COL7A1: variants seen among roughly 807,000 people sequenced by gnomAD.
COL7A1 encodes the protein collagen alpha-1(VII) chain.
In COL7A1, 296 loss-of-function variants were observed where a neutral mutation model predicts 456.2. That is an observed-to-expected ratio of 0.65 (90% CI 0.59 to 0.71). The LOEUF is 0.71. Among genes scored for constraint, COL7A1 ranks in the 30% least tolerant of loss-of-function variants. COL7A1 has a pLI of 0.00. For missense variants in COL7A1, 3,441 were observed against 4,017.2 expected, an observed-to-expected ratio of 0.86 and a Z score of 3.88; for synonymous variants, 1,464 against 1,525.9, an observed-to-expected ratio of 0.96 and a Z score of 0.95.
chr3:48,585,242 G>A lies in COL7A1; in HGVS notation c.3895-126C>T, dbSNP rs770048390. 1.1e-5 allele frequency: 10 copies of A among 935,590 alleles called. No homozygotes were observed. The highest frequency in any genetic ancestry group is 1.5e-5 in the Non-Finnish European group (9 of 610,946). The allele number at this position is 935,590 out of a possible 1,614,324, so 58.0% of individuals were successfully genotyped here. ...TGACCCCCAAGTGTTATTGGGGGTG[G>A]AACAGTGAGGCAGAGAAATGGCCCC... is the stretch of plus-strand genomic sequence containing the variant. On this transcript the variant is annotated intron_variant, in intron 32 of 118. Transcript: ENST00000681320. The surrounding 1 kb of genome is among the most constrained non-coding windows in gnomAD (Gnocchi z 4.5).
rs903646391 is a variant in COL7A1, at chr3:48,564,250, A to T, written c.*156T>A. ...AATGGGGGTTTGTCCACAGGGGGGAAGGCTAGACCCACGGGACCAAGTCAC... is the reference window on the plus strand; with the variant it reads ...AATGGGGGTTTGTCCACAGGGGGGATGGCTAGACCCACGGGACCAAGTCAC... On this transcript the variant is annotated 3_prime_UTR_variant, in exon 119 of 119. Transcript: ENST00000681320. This position sits in a 1 kb window ranked among gnomAD's most constrained non-coding sequence, Gnocchi z 6.0. 2.3e-6 allele frequency: 2 copies of T among 877,026 alleles called. No homozygotes were observed. The highest frequency in any genetic ancestry group is 3.7e-6 in the Non-Finnish European group (2 of 540,540). The allele number at this position is 877,026 out of a possible 1,614,324, so 54.3% of individuals were successfully genotyped here.
rs139434755 is a variant in COL7A1 at position 48,591,907 on chromosome 3, G to A, written c.1348C>T (p.Arg450Cys). The part of the protein sequence containing the change: ...EARGYRLEWR[R>C]ETGLEPPQKV... ...CTTCCCCCGCACTGACCAGTCTCAC[G>A]CCGCCATTCCAACCGGTAGCCACGG... The change falls in exon 11 of 119, where the codon CGT becomes TGT. Residue 450 changes from arginine (R) to cysteine (C), a missense_variant. Around this residue, in one of 3 missense-constraint regions of COL7A1, gnomAD observed 913 missense variants for 1,088.2 expected, o/e 0.84. Coordinates refer to ENST00000681320, the MANE Select transcript of COL7A1 (RefSeq NM_000094.4). This position sits in a 1 kb window ranked among gnomAD's most constrained non-coding sequence, Gnocchi z 7.0. 2.4e-4 allele frequency: 384 copies of A among 1,614,018 alleles called. No individual in the cohort carries two copies. The highest frequency in any genetic ancestry group is 6.7e-4 in the East Asian group (30 of 44,882).
rs2043669746 is a variant in COL7A1, at chr3:48,567,719, T to C, written c.7974A>G (p.Lys2658=). 1 of 1,614,014 alleles carries C rather than the reference T, an allele frequency of 6.2e-7. No individual in the cohort carries two copies. The highest frequency in any genetic ancestry group is 1.3e-5 in the African/African-American group (1 of 74,984). ...GCGTGCCCACACTCACCATCTCTCC[T>C]TTGTGTCCTGCCAGCCCGGGGCGGC... is the stretch of plus-strand genomic sequence containing the variant. ...PPGRPGLAGH[K]GEMGEPGVPG... Residue 2658 remains lysine (K), a synonymous_variant, in exon 108 of 119, where the codon AAA becomes AAG. Coordinates refer to ENST00000681320, the MANE Select transcript of COL7A1 (RefSeq NM_000094.4). This position sits in a 1 kb window ranked among gnomAD's most constrained non-coding sequence, Gnocchi z 4.3.
rs531073499 is a variant in COL7A1, at chr3:48,580,020, G to A, written c.5124+11C>T. 27 of 1,613,996 alleles carry A rather than the reference G, an allele frequency of 1.7e-5. No homozygotes were observed. The highest frequency in any genetic ancestry group is 6.7e-5 in the African/African-American group (5 of 75,018). The stretch of plus-strand genomic sequence containing the variant: ...ACAATGACAGAGGACCAGACCCAGC[G>A]CAGCCCTTACCAGCCGTCCCGGGGG... On this transcript the variant is annotated intron_variant, in intron 57 of 118. Coordinates refer to ENST00000681320, the MANE Select transcript of COL7A1 (RefSeq NM_000094.4). This position sits in a 1 kb window ranked among gnomAD's most constrained non-coding sequence, Gnocchi z 4.5.
chr3:48,594,552 G>C lies in COL7A1; in HGVS notation c.86-4C>G, dbSNP rs780404818. On this transcript the variant is annotated splice_polypyrimidine_tract_variant and splice_region_variant and intron_variant, in intron 2 of 118. Coordinates refer to ENST00000681320, the MANE Select transcript of COL7A1 (RefSeq NM_000094.4). The surrounding 1 kb of genome is among the most constrained non-coding windows in gnomAD (Gnocchi z 5.5). ...GCGTAAAGGCGCGTGCAGGTCACTG[G>C]GGCGGGCAGGAGAGATCAGGGCCTC... The C allele has an allele frequency of 3.5e-5, 56 of 1,581,208 alleles. No individual in the cohort carries two copies. Among genetic ancestry groups the C allele is most frequent in the Non-Finnish European group, 4.6e-5 (54 of 1,166,388 alleles).
rs772745105 is a variant in COL7A1 at position 48,573,648 on chromosome 3, CCCTTCCAGA to C, written c.6573+33_6573+41del. On this transcript the variant is annotated intron_variant, in intron 82 of 118. Transcript: ENST00000681320. This position sits in a 1 kb window ranked among gnomAD's most constrained non-coding sequence, Gnocchi z 5.5. ...CAGCTGTGGCCAATGCCTATCCCAG[CCCTTCCAGA>C]CCCTCACCAGGCAGTGTTCCCTGGT... is the stretch of plus-strand genomic sequence containing the variant. The C allele has an allele frequency of 6.2e-7, 1 of 1,612,650 alleles. No individual in the cohort carries two copies. The highest frequency in any genetic ancestry group is 1.3e-5 in the African/African-American group (1 of 74,994).
At position 48,568,554 on chromosome 3, in the gene COL7A1, G is replaced by A. The variant is rs1305236430; in HGVS notation, c.7759-20C>T. 6.2e-7 allele frequency: 1 copy of A among 1,605,680 alleles called. No individual in the cohort carries two copies. The highest frequency in any genetic ancestry group is 8.5e-7 in the Non-Finnish European group (1 of 1,174,368). ...TTGACCCTGTGAGAAACACAGATGG[G>A]GGAGCCCTTCAGTGGGACTGTCCCC... is the stretch of plus-strand genomic sequence containing the variant. On this transcript the variant is annotated intron_variant, in intron 104 of 118. Transcript: ENST00000681320. The surrounding 1 kb of genome is among the most constrained non-coding windows in gnomAD (Gnocchi z 5.2).
In COL7A1 at chr3:48,572,169, T is replaced by A; in HGVS notation, c.6981A>T (p.Gly2327=). The A allele has an allele frequency of 6.2e-7, 1 of 1,613,954 alleles. No individual in the cohort carries two copies. Among genetic ancestry groups the A allele is most frequent in the Non-Finnish European group, 8.5e-7 (1 of 1,179,996 alleles). ...GLAGDLVGEP[G]AKGDRGLPGP... ...CTGGCAGTCCTCGGTCACCTTTGGC[T>A]CCCTGTTGACAGAGGTCAGGAGGCA... The change falls in exon 91 of 119, where the codon GGA becomes GGT. Residue 2327 remains glycine (G), a splice_region_variant and synonymous_variant. Coordinates refer to ENST00000681320, the MANE Select transcript of COL7A1 (RefSeq NM_000094.4). This position sits in a 1 kb window ranked among gnomAD's most constrained non-coding sequence, Gnocchi z 4.6.
chr3:48,578,641 A>G lies in COL7A1; in HGVS notation c.5425-126T>C. On this transcript the variant is annotated intron_variant, in intron 63 of 118. Transcript: ENST00000681320. This position sits in a 1 kb window ranked among gnomAD's most constrained non-coding sequence, Gnocchi z 4.7. ...GAGACCCCCAGGACTGAGAGGTCCC[A>G]TTGAGATCCCTCAGGCACAGACCCC... 1 of 1,138,086 alleles carries G rather than the reference A, an allele frequency of 8.8e-7. No homozygotes were observed. The highest frequency in any genetic ancestry group is 1.3e-5 in the South Asian group (1 of 75,248). 70.5% of individuals were successfully genotyped at this position (1,138,086 alleles called of 1,614,324 possible). A position where few individuals can be genotyped will look rare whatever the true frequency, so the allele number is the denominator to read the frequency against.
chr3:48,571,126 C>T lies in COL7A1; in HGVS notation c.7139G>A (p.Gly2380Glu). ...DPGVGVPGSPGPPGPPGVKGD... is the reference protein window; with the variant it reads ...DPGVGVPGSPEPPGPPGVKGD... ...CTTCACACCTGGAGGGCCAGGAGGC[C>T]CAGGGGAGCCCGGGACCCCGACTCC... Residue 2380 changes from glycine to glutamate, a missense_variant, in exon 94 of 119, where the codon GGG (glycine) becomes GAG (glutamate). Transcript: ENST00000681320. This position sits in a 1 kb window ranked among gnomAD's most constrained non-coding sequence, Gnocchi z 4.6. The T allele has an allele frequency of 1.9e-6, 3 of 1,614,040 alleles. No individual in the cohort carries two copies. Among genetic ancestry groups the T allele is most frequent in the Non-Finnish European group, 2.5e-6 (3 of 1,180,020 alleles).
chr3:48,580,267 C>A lies in COL7A1; in HGVS notation c.5097+33G>T. The A allele has an allele frequency of 6.2e-7, 1 of 1,606,162 alleles. No individual in the cohort carries two copies. The highest frequency in any genetic ancestry group is 8.5e-7 in the Non-Finnish European group (1 of 1,175,996). The stretch of plus-strand genomic sequence containing the variant: ...GCAGCAGCGCCAGGGGACCCTCCAT[C>A]CCTTCTGAGCCCAGGACACCAGCCC... On this transcript the variant is annotated intron_variant, in intron 56 of 118. Transcript: ENST00000681320. The surrounding 1 kb of genome is among the most constrained non-coding windows in gnomAD (Gnocchi z 4.5).
chr3:48,586,271 T>G lies in COL7A1; in HGVS notation c.3551-25A>C, dbSNP rs1025004674. 8.7e-6 allele frequency: 14 copies of G among 1,613,734 alleles called. No homozygotes were observed. The Admixed American group carries it at 2.2e-4, about 25-fold the overall frequency. On this transcript the variant is annotated intron_variant, in intron 27 of 118. Transcript: ENST00000681320. The surrounding 1 kb of genome is among the most constrained non-coding windows in gnomAD (Gnocchi z 5.1). ...CCTAAGGTGGGGTCCAGTGGCTGCA[T>G]GATAGCCTTTTCAGGGCCACCCCTA...
chr3:48,565,136 C>G lies in COL7A1; in HGVS notation c.8593G>C (p.Asp2865His). 1.2e-6 allele frequency: 2 copies of G among 1,614,090 alleles called. No individual in the cohort carries two copies. Among genetic ancestry groups the G allele is most frequent in the Non-Finnish European group, 1.7e-6 (2 of 1,179,978 alleles). The change falls in exon 117 of 119, where the codon GAC becomes CAC. Residue 2865 changes from aspartate (D) to histidine (H), a missense_variant. By Grantham distance (81) the Asp-to-His change is moderately conservative (BLOSUM62 -1). This residue lies in a region of COL7A1 where 2,084 missense variants were observed against 2,501.3 expected (regional missense o/e 0.83). Transcript: ENST00000681320. The surrounding 1 kb of genome is among the most constrained non-coding windows in gnomAD (Gnocchi z 4.5). The stretch of plus-strand genomic sequence containing the variant: ...TCACTATCCCAAGGAGCTTCAGGGT[C>G]CTGGTACTCCTCCACAGAATACTCG... ...YSEYSVEEYQDPEAPWDSDDP... is the reference protein window; with the variant it reads ...YSEYSVEEYQHPEAPWDSDDP...
intron 17 of COL7A1, 52 bp downstream of exon 17, chr3:48,589,547 C>T: frequency 6.2e-7 from 1 of 1,612,114 alleles, no homozygotes; most frequent in African/African-American, 1.3e-5. Context: ...CCCAATAAAC[C>T]CCCAGCCCCC....
rs1297401866 is a variant in COL7A1, at chr3:48,572,067, G to A, written c.7024-22C>T. 1.9e-6 allele frequency: 3 copies of A among 1,612,782 alleles called. No homozygotes were observed. The highest frequency in any genetic ancestry group is 1.7e-4 in the Middle Eastern group (1 of 6,056). Reference sequence around the variant, plus strand: ...CACCCTGCACAGAATGGCAGGTGAGGGGTGTCTGGACTGAGCCTTCTCTGC... The same window carrying A: ...CACCCTGCACAGAATGGCAGGTGAGAGGTGTCTGGACTGAGCCTTCTCTGC... On this transcript the variant is annotated intron_variant, in intron 91 of 118. Transcript: ENST00000681320. The surrounding 1 kb of genome is among the most constrained non-coding windows in gnomAD (Gnocchi z 4.6).
In COL7A1 at chr3:48,588,128, A is replaced by G. The variant is rs1290363448; in HGVS notation, c.2710+154T>C. Among the ~76,000 whole-genome samples, 2 of 151,800 alleles carry G rather than the reference A, an allele frequency of 1.3e-5. No individual in the cohort carries two copies. Among genetic ancestry groups the G allele is most frequent in the African/African-American group, 2.4e-5 (1 of 41,288 alleles). On this transcript the variant is annotated intron_variant, in intron 21 of 118. Transcript: ENST00000681320. This position sits in a 1 kb window ranked among gnomAD's most constrained non-coding sequence, Gnocchi z 4.6. ...GACCCTCCATGAACTCATTGATCCC[A>G]CCCACTTCATTGATTGATCTTACCT...
rs2044063823 is a variant in COL7A1 at position 48,573,326 on chromosome 3, G to C, written c.6641C>G (p.Pro2214Arg). 4 of 1,614,006 alleles carry C rather than the reference G, an allele frequency of 2.5e-6. No individual in the cohort carries two copies. The highest frequency in any genetic ancestry group is 2.5e-6 in the Non-Finnish European group (3 of 1,180,028). Reference sequence around the variant, plus strand: ...AGCTAGGCCACTCACCCGTCCTGGAGGTCCTGTCTCTCCAGGCTCCCCCTG... The same window carrying C: ...AGCTAGGCCACTCACCCGTCCTGGACGTCCTGTCTCTCCAGGCTCCCCCTG... The part of the protein sequence containing the change: ...GLKGEPGETG[P>R]PGRGLTGPTG... The change falls in exon 84 of 119, where the codon CCT (proline) becomes CGT (arginine). Residue 2214 changes from proline to arginine, a missense_variant. By Grantham distance (103) the Pro-to-Arg change is moderately radical. Transcript: ENST00000681320. This position sits in a 1 kb window ranked among gnomAD's most constrained non-coding sequence, Gnocchi z 5.5.
rs2532853 is a variant in COL7A1, at chr3:48,576,972, C to G, written c.5568+20G>C. The G allele has an allele frequency of 1.2e-5, 19 of 1,613,884 alleles. No homozygotes were observed. Among genetic ancestry groups the G allele is most frequent in the Non-Finnish European group, 4.2e-6 (5 of 1,180,034 alleles). The stretch of plus-strand genomic sequence containing the variant: ...TGGCTCCAAGCAGAGACCAGAGAGA[C>G]CCCAGGTGGGGGACTTTACCTTCCT... On this transcript the variant is annotated intron_variant, in intron 66 of 118. Coordinates refer to ENST00000681320, the MANE Select transcript of COL7A1 (RefSeq NM_000094.4).
In COL7A1 at chr3:48,573,070, A is replaced by C. The variant is rs750638018; in HGVS notation, c.6715-14T>G. 6.2e-7 allele frequency: 1 copy of C among 1,614,122 alleles called. No individual in the cohort carries two copies. Among genetic ancestry groups the C allele is most frequent in the East Asian group, 2.2e-5 (1 of 44,880 alleles). ...CCCCTGTGGACCCTGACGGAGAACAAGTCGGATGTCAGGGTGACAATGGAC... is the reference window on the plus strand; with the variant it reads ...CCCCTGTGGACCCTGACGGAGAACACGTCGGATGTCAGGGTGACAATGGAC... On this transcript the variant is annotated splice_polypyrimidine_tract_variant and intron_variant, in intron 85 of 118. Coordinates refer to ENST00000681320, the MANE Select transcript of COL7A1 (RefSeq NM_000094.4). The surrounding 1 kb of genome is among the most constrained non-coding windows in gnomAD (Gnocchi z 5.5).
Sources: allele counts gnomAD v4.1 joint callset (sites outside exome capture counted in the v4.1 genomes callset), GRCh38; gene constraint gnomAD v4.1.1; regional missense constraint gnomAD v4.1.1; non-coding constraint Gnocchi (gnomAD v3.1); transcripts MANE v1.5; gene names NCBI Gene and HGNC (gene_info 2026-07-23, HGNC 2026-07-21).